Variants in EDDM13 observed in about 807,000 individuals in gnomAD.
EDDM13 encodes epididymal protein 13.
A neutral mutation model predicts 17.8 loss-of-function variants in EDDM13; 24 were observed. The ratio of observed to expected loss-of-function variants is 1.35; its 90% CI spans 0.98 to 1.90. EDDM13 has a LOEUF of 1.90. Among genes scored for constraint, EDDM13 ranks in the 40% most tolerant of loss-of-function variants. The probability of loss-of-function intolerance (pLI) is 0.00; values close to 1 mark genes in which losing one functional copy is unlikely to be tolerated. For missense variants in EDDM13, 97 were observed against 100.8 expected, an observed-to-expected ratio of 0.96 and a Z score of 0.16; for synonymous variants, 31 against 37.5, an observed-to-expected ratio of 0.83 and a Z score of 0.63.
intron 2 of EDDM13, among the ~76,000 whole-genome samples, chr19:56,278,200 T>C (rs57090480): frequency 0.42 from 63,680 of 151,688 alleles, 14,508 homozygotes; most frequent in Non-Finnish European, 0.51. Context: ...CGGCTCGCCA[T>C]GACATCTGCC....
intron 12 of EDDM13, among the ~76,000 whole-genome samples, chr19:56,300,671 A>G (rs1231284939): frequency 6.6e-6 from 1 of 152,260 alleles, no homozygotes; most frequent in African/African-American, 2.4e-5. Context: ...CAAAGGGGAC[A>G]AGGAGTAATC....
chr19:56,308,616 G>A (rs939030800), intron 14 of EDDM13, among the ~76,000 whole-genome samples: 6 of 148,976 alleles, frequency 4.0e-5, no homozygotes, highest in African/African-American at 7.5e-5. Context: ...GAGCCACCAC[G>A]CCCCCCCATA....
chr19:56,303,028 G>A, intron 13 of EDDM13: 1 of 396,432 alleles, frequency 2.5e-6, no homozygotes. Flanking sequence ...CCTAGGGGAA[G>A]TGTGGGCTCA....
At chr19:56,275,059 C>A (rs1337134006) in intron 1 of EDDM13, among the ~76,000 whole-genome samples, 3 of 152,214 alleles carry the variant, frequency 2.0e-5, no homozygotes, top group Non-Finnish European at 4.4e-5. Flanking sequence ...GGAATTATAT[C>A]AGGGACCACA....
At chr19:56,306,373 C>T (rs56279742) in intron 14 of EDDM13, among the ~76,000 whole-genome samples, 19,473 of 77,124 alleles carry the variant, frequency 0.25, 1,013 homozygotes, top group Middle Eastern at 0.33. Flanking sequence ...CCTCCCTGGC[C>T]TCTCCCACGT....
At chr19:56,302,545 G>GTTCCTCCCTCCCTCCCCCCCTTCCTTTTC (rs2040356597) in intron 13 of EDDM13, among the ~76,000 whole-genome samples, 1 of 21,592 alleles carries the variant, frequency 4.6e-5, no homozygotes, top group East Asian at 1.4e-3. Flanking sequence ...CTTCCTCCCC[G>GTTCCTCCCTCCCTCCCCCCCTTCCTTTTC]TTCCTCCCTC....
At chr19:56,299,307 A>T (rs1032702579) in intron 12 of EDDM13, among the ~76,000 whole-genome samples, 4 of 151,674 alleles carry the variant, frequency 2.6e-5, no homozygotes, top group African/African-American at 9.7e-5. Context: ...AATTTATTAA[A>T]TTTTTTGTAG....
At chr19:56,283,951 T>C (rs903380911) in intron 4 of EDDM13, 1 of 152,434 alleles carries the variant, frequency 6.6e-6, no homozygotes, top group African/African-American at 2.4e-5. Flanking sequence ...TTGGACGCTC[T>C]TCCCTGCATC....
At chr19:56,309,391 G>T (rs1263992945) in intron 14 of EDDM13, among the ~76,000 whole-genome samples, 1 of 152,218 alleles carries the variant, frequency 6.6e-6, no homozygotes, top group East Asian at 1.9e-4. Context: ...TGCACAACAT[G>T]GCGAATGTAA....
At chr19:56,282,528 T>C in intron 4 of EDDM13, 29 bp downstream of exon 4, 1 of 985,194 alleles carries the variant, frequency 1.0e-6, no homozygotes, top group Non-Finnish European at 1.2e-6. Flanking sequence ...CTCTTTCCCT[T>C]TGGGGTCTGT....
At position 56,286,489 on chromosome 19, in the gene EDDM13, T is replaced by C. The variant is rs541217425; in HGVS notation, c.154+1465T>C. 2.0e-5 allele frequency: 3 copies of C among 152,176 alleles called. No individual in the cohort carries two copies. In the South Asian group the frequency reaches 6.2e-4, roughly 32 times the overall value. 9.4% of individuals were successfully genotyped at this position (152,176 alleles called of 1,614,324 possible). A position where few individuals can be genotyped will look rare whatever the true frequency, so the allele number is the denominator to read the frequency against. ...CAGCTTTCTCCTTAAGTCAATAAACTTGAAAAAGTTGCTTTATACCGCTTG... is the reference window on the plus strand; with the variant it reads ...CAGCTTTCTCCTTAAGTCAATAAACCTGAAAAAGTTGCTTTATACCGCTTG... On this transcript the variant is annotated intron_variant, in intron 6 of 14. Coordinates refer to ENST00000649256, the MANE Select transcript of EDDM13 (RefSeq NM_001354658.2).
intron 12 of EDDM13, 60 bp from the exon 13 acceptor site, chr19:56,301,908 G>T (rs1039098433): frequency 4.9e-6 from 6 of 1,231,656 alleles, no homozygotes; most frequent in Middle Eastern, 3.1e-4. Flanking sequence ...GCAGTGACAG[G>T]AAGCTCTAAG....
chr19:56,296,438 G>C (rs1389659284), intron 11 of EDDM13, 76 bp downstream of exon 11: 1 of 151,982 alleles, frequency 6.6e-6, no homozygotes, highest in South Asian at 2.1e-4. Flanking sequence ...TCTATGGTGG[G>C]GGGTCCCTTA....
chr19:56,297,896 A>C (rs2039980649), intron 12 of EDDM13: 1 of 152,176 alleles, frequency 6.6e-6, no homozygotes. Flanking sequence ...CAAGTGATCC[A>C]GATGGTGGAG....
At chr19:56,292,811 G>A (rs570443178) in intron 9 of EDDM13, among the ~76,000 whole-genome samples, 13 of 152,290 alleles carry the variant, frequency 8.5e-5, no homozygotes, top group Non-Finnish European at 1.6e-4. Context: ...AAGTAGAATC[G>A]TACACGATGT....
intron 9 of EDDM13, among the ~76,000 whole-genome samples, chr19:56,293,470 T>C (rs1451787400): frequency 6.6e-6 from 1 of 152,220 alleles, no homozygotes; most frequent in African/African-American, 2.4e-5. Flanking sequence ...TTGTATATAT[T>C]GTAAGGAAGA....
intron 14 of EDDM13, among the ~76,000 whole-genome samples, chr19:56,305,031 T>C (rs1253130244): frequency 1.3e-5 from 2 of 152,136 alleles, no homozygotes; most frequent in Admixed American, 6.5e-5. Context: ...GGAAACACAT[T>C]GTAAATGACA....
chr19:56,308,373 G>T (rs1317177988), intron 14 of EDDM13, among the ~76,000 whole-genome samples: 1 of 148,116 alleles, frequency 6.8e-6, no homozygotes, highest in Non-Finnish European at 1.5e-5. Context: ...ACCCAGGCTG[G>T]AGAACAGTGG....
intron 11 of EDDM13, among the ~76,000 whole-genome samples, chr19:56,297,227 C>A (rs887041323): frequency 5.3e-5 from 8 of 152,176 alleles, no homozygotes; most frequent in Admixed American, 3.3e-4. Context: ...TCCCTGGGAT[C>A]CAGGGACACA....
Sources: allele counts gnomAD v4.1 joint callset (sites outside exome capture counted in the v4.1 genomes callset), GRCh38; gene constraint gnomAD v4.1.1; transcripts MANE v1.5; gene names NCBI Gene and HGNC (gene_info 2026-07-23, HGNC 2026-07-21).